KCNH8: variants seen among roughly 807,000 people sequenced by gnomAD.
The protein encoded by KCNH8 is potassium voltage-gated channel subfamily H member 8, also known as voltage-gated delayed rectifier potassium channel KCNH8.
In KCNH8, 70 loss-of-function variants were observed where a neutral mutation model predicts 103.6. That is an observed-to-expected ratio of 0.68 (90% confidence interval 0.56 to 0.82). The LOEUF (loss-of-function observed/expected upper bound fraction) is 0.82, where lower values mean the gene tolerates loss of function less well. KCNH8 is among the 40% of genes least tolerant of loss of function. The probability of loss-of-function intolerance (pLI) is 0.00; values close to 1 mark genes in which losing one functional copy is unlikely to be tolerated. For missense variants in KCNH8, 1,217 were observed against 1,329.9 expected (o/e 0.92, Z 1.32); for synonymous variants, 498 against 489.4 (o/e 1.02, Z -0.23).
chr3:19,471,426 C>T (rs2067853638), intron 11 of KCNH8, among the ~76,000 whole-genome samples: 1 of 152,108 alleles, frequency 6.6e-6, no homozygotes, highest in Non-Finnish European at 1.5e-5. Context: ...GTTGTTTAGG[C>T]CTATGAAGTG....
intron 6 of KCNH8, 62 bp from the exon 7 acceptor site, chr3:19,395,042 T>G: frequency 8.5e-7 from 1 of 1,177,134 alleles, no homozygotes; most frequent in Admixed American, 1.7e-5. Context: ...TGGCTCCAAG[T>G]TAATGTTGTG....
At chr3:19,496,410 T>C (rs1190596299) in intron 11 of KCNH8, among the ~76,000 whole-genome samples, 1 of 152,328 alleles carries the variant, frequency 6.6e-6, no homozygotes, top group East Asian at 1.9e-4. Context: ...TGAAGTGATG[T>C]TGAATTTTAT....
chr3:19,484,313 C>T (rs554909031), intron 11 of KCNH8, among the ~76,000 whole-genome samples: 7 of 152,170 alleles, frequency 4.6e-5, no homozygotes, highest in Non-Finnish European at 1.0e-4. Flanking sequence ...TTCATAGTAA[C>T]TATAGAACAG....
At chr3:19,517,310 G>T (rs2068891349) in intron 14 of KCNH8, among the ~76,000 whole-genome samples, 1 of 151,960 alleles carries the variant, frequency 6.6e-6, no homozygotes, top group African/African-American at 2.4e-5. Context: ...AGACTGTTTT[G>T]AATTACTTTT....
chr3:19,415,840 T>C (rs2066855540), intron 7 of KCNH8, among the ~76,000 whole-genome samples: 1 of 152,116 alleles, frequency 6.6e-6, no homozygotes. Flanking sequence ...TTTCCCCAGA[T>C]CTTCATTAGC....
chr3:19,523,945 G>T (rs1288077175), intron 15 of KCNH8, among the ~76,000 whole-genome samples: 1 of 151,850 alleles, frequency 6.6e-6, no homozygotes, highest in Non-Finnish European at 1.5e-5. Context: ...TGTTGTCTAG[G>T]TTATACTTGA....
intron 1 of KCNH8, among the ~76,000 whole-genome samples, chr3:19,175,844 A>G (rs2063394586): frequency 6.6e-6 from 1 of 152,126 alleles, no homozygotes; most frequent in African/African-American, 2.4e-5. Context: ...ACTGTCTATG[A>G]CTTTTCAGAG....
intron 3 of KCNH8, among the ~76,000 whole-genome samples, chr3:19,339,593 A>C (rs1320181032): frequency 6.6e-6 from 1 of 152,154 alleles, no homozygotes; most frequent in Non-Finnish European, 1.5e-5. Context: ...AAGTTTTTAA[A>C]AAGTGTCCTT....
At chr3:19,445,216 C>T (rs949503944) in intron 8 of KCNH8, among the ~76,000 whole-genome samples, 7 of 151,438 alleles carry the variant, frequency 4.6e-5, no homozygotes, top group African/African-American at 9.7e-5. Context: ...AGAAGCCAGA[C>T]GAAAAAAAGT....
chr3:19,457,012 C>T lies in KCNH8; in HGVS notation c.2040+30C>T, dbSNP rs772588763. 7 of 1,446,026 alleles carry T rather than the reference C, an allele frequency of 4.8e-6. No individual in the cohort carries two copies. The Admixed American group carries it at 1.0e-4, about 21-fold the overall frequency. 89.6% of individuals were successfully genotyped at this position (1,446,026 alleles called of 1,614,324 possible). On this transcript the variant is annotated intron_variant, in intron 11 of 15. Coordinates refer to ENST00000328405, the MANE Select transcript of KCNH8 (RefSeq NM_144633.3). ...GTCCCATTTCTAATTAGTGCTAAGA[C>T]CTAATAACATTGGGCCTGGAGATCA...
chr3:19,488,469 C>T (rs1261160840), intron 11 of KCNH8, among the ~76,000 whole-genome samples: 1 of 152,190 alleles, frequency 6.6e-6, no homozygotes, highest in African/African-American at 2.4e-5. Flanking sequence ...TTCCTGTTAT[C>T]TTCTGTGCTT....
intron 1 of KCNH8, among the ~76,000 whole-genome samples, chr3:19,237,281 A>G (rs1026352419): frequency 1.3e-5 from 2 of 152,184 alleles, no homozygotes; most frequent in Non-Finnish European, 2.9e-5. Context: ...CTCTGTGGGA[A>G]TTAGACAAAG....
At chr3:19,511,380 A>ATACTT (rs1456907489) in intron 12 of KCNH8, among the ~76,000 whole-genome samples, 5 of 152,206 alleles carry the variant, frequency 3.3e-5, no homozygotes. Context: ...AGAAGTACAA[A>ATACTT]TACTTGACAG....
intron 15 of KCNH8, among the ~76,000 whole-genome samples, chr3:19,523,176 C>CT (rs1439700996): frequency 1.3e-5 from 2 of 151,716 alleles, no homozygotes; most frequent in Non-Finnish European, 2.9e-5. Context: ...AGAAAGGCCT[C>CT]TTTTTTTAGG....
At chr3:19,316,609 C>T (rs1281337156) in intron 3 of KCNH8, among the ~76,000 whole-genome samples, 1 of 151,908 alleles carries the variant, frequency 6.6e-6, no homozygotes, top group African/African-American at 2.4e-5. Flanking sequence ...CTCTGCTCCT[C>T]CAGCTCTTAC....
chr3:19,234,429 G>A (rs2064035671), intron 1 of KCNH8, among the ~76,000 whole-genome samples: 1 of 152,234 alleles, frequency 6.6e-6, no homozygotes, highest in Non-Finnish European at 1.5e-5. Context: ...GCCCTGCCCC[G>A]CGAGAAGCCA....
At chr3:19,151,180 C>G (rs1187936886) in intron 1 of KCNH8, among the ~76,000 whole-genome samples, 2 of 152,032 alleles carry the variant, frequency 1.3e-5, no homozygotes, top group Non-Finnish European at 2.9e-5. Context: ...CTTGTTGATA[C>G]AGTTTTGTAA....
In KCNH8 at chr3:19,533,493, G is replaced by A. The variant is rs777057026; in HGVS notation, c.2718G>A (p.Arg906=). The change falls in exon 16 of 16, where the codon CGG becomes CGA. Residue 906 remains arginine (R), a synonymous_variant. Transcript: ENST00000328405. ...TTCTGTCACCTCAGCAGCCATCACG[G>A]TTTTGCTCTTTGCACAGCACCTCTG... The part of the protein sequence containing the change: ...ENVLSPQQPS[R]FCSLHSTSVC... 1.2e-6 allele frequency: 2 copies of A among 1,614,050 alleles called. No individual in the cohort carries two copies. Among genetic ancestry groups the A allele is most frequent in the Non-Finnish European group, 1.7e-6 (2 of 1,180,030 alleles).
At chr3:19,402,983 T>C (rs1283167191) in intron 7 of KCNH8, among the ~76,000 whole-genome samples, 1 of 151,892 alleles carries the variant, frequency 6.6e-6, no homozygotes, top group Non-Finnish European at 1.5e-5. Flanking sequence ...CTATTTCTAT[T>C]CAATAGTCTA....
Sources: gnomAD v4.1 joint callset for allele counts (sites outside exome capture counted in the v4.1 genomes callset) on GRCh38, gnomAD v4.1.1 for gene constraint, MANE v1.5 for transcripts, NCBI Gene and HGNC (gene_info 2026-07-23, HGNC 2026-07-21) for gene names.